PCDHGC4: variants seen among roughly 807,000 people sequenced by gnomAD.
PCDHGC4 encodes the protein protocadherin gamma subfamily C, 4, also known as protocadherin gamma-C4.
In PCDHGC4, 15 loss-of-function variants were observed where a neutral mutation model predicts 59.7. That is an observed-to-expected ratio of 0.25 (90% CI 0.17 to 0.39). PCDHGC4 has a LOEUF of 0.39. PCDHGC4 is among the 10% of genes least tolerant of loss of function. The probability of loss-of-function intolerance (pLI) is 1.00; values close to 1 mark genes in which losing one functional copy is unlikely to be tolerated. For missense variants in PCDHGC4, 1,016 were observed against 1,189.5 expected, an observed-to-expected ratio of 0.85 and a Z score of 2.15; for synonymous variants, 434 against 481.4, an observed-to-expected ratio of 0.90 and a Z score of 1.29.
At position 141,491,117 on chromosome 5, in the gene PCDHGC4, G is replaced by A; in HGVS notation, c.2442+3502G>A. ...CTGTTCCTCGTGTCTACACACACTGGTGAGGTGCGCACAGCCCGGGCCTTA... is the reference window on the plus strand; with the variant it reads ...CTGTTCCTCGTGTCTACACACACTGATGAGGTGCGCACAGCCCGGGCCTTA... On this transcript the variant is annotated intron_variant, in intron 1 of 3. Coordinates refer to ENST00000306593, the MANE Select transcript of PCDHGC4 (RefSeq NM_018928.3). The surrounding 1 kb of genome is among the most constrained non-coding windows in gnomAD (Gnocchi z 6.9). 1 of 1,614,196 alleles carries A rather than the reference G, an allele frequency of 6.2e-7. No homozygotes were observed.
intron 3 of PCDHGC4, among the ~76,000 whole-genome samples, chr5:141,505,969 A>G (rs1454691041): frequency 1.3e-5 from 2 of 152,142 alleles, no homozygotes; most frequent in Non-Finnish European, 2.9e-5. Context: ...AGAAATCCCC[A>G]GCCGAGAGAA....
intron 2 of PCDHGC4, among the ~76,000 whole-genome samples, chr5:141,501,420 T>C (rs1429838126): frequency 6.6e-6 from 1 of 152,006 alleles, no homozygotes; most frequent in Non-Finnish European, 1.5e-5. Context: ...AATAGTTGAC[T>C]AAATGTAGTC....
At chr5:141,507,786 GTCTAAGCC>G (rs1279265471) in intron 3 of PCDHGC4, among the ~76,000 whole-genome samples, 1 of 152,174 alleles carries the variant, frequency 6.6e-6, no homozygotes, top group Admixed American at 6.5e-5. Flanking sequence ...CCTGACCCTC[GTCTAAGCC>G]TGCGCCCTGG....
At position 141,512,047 on chromosome 5, in the gene PCDHGC4, C is replaced by T. The variant is rs1183612907; in HGVS notation, c.*874C>T. 1 of 152,722 alleles carries T rather than the reference C, an allele frequency of 6.5e-6. No individual in the cohort carries two copies. The highest frequency in any genetic ancestry group is 1.5e-5 in the Non-Finnish European group (1 of 68,120). The allele number at this position is 152,722 out of a possible 1,614,324, so 9.5% of individuals were successfully genotyped here. A position where few individuals can be genotyped will look rare whatever the true frequency, so the allele number is the denominator to read the frequency against. On this transcript the variant is annotated 3_prime_UTR_variant, in exon 4 of 4. Coordinates refer to ENST00000306593, the MANE Select transcript of PCDHGC4 (RefSeq NM_018928.3). The stretch of plus-strand genomic sequence containing the variant: ...CCTTGGAGGAGGCTCTGTATGTCCT[C>T]AGGGGACTGACAACATCCTCCAGAT...
intron 2 of PCDHGC4, 35 bp from the exon 3 acceptor site, chr5:141,505,358 G>A (rs1156448862): frequency 6.2e-7 from 1 of 1,613,796 alleles, no homozygotes; most frequent in Non-Finnish European, 8.5e-7. Context: ...GTGCCGGCCT[G>A]GGAGTCTGTG....
chr5:141,496,943 T>C (rs1023861484), intron 2 of PCDHGC4, among the ~76,000 whole-genome samples: 2 of 151,258 alleles, frequency 1.3e-5, no homozygotes, highest in African/African-American at 2.4e-5. Flanking sequence ...CCCAGCACTT[T>C]GGGAGGCCAA....
intron 2 of PCDHGC4, among the ~76,000 whole-genome samples, chr5:141,498,825 C>A (rs2099786017): frequency 6.6e-6 from 1 of 151,974 alleles, no homozygotes; most frequent in Admixed American, 6.6e-5. Flanking sequence ...CCCAGCTACT[C>A]AGGAGGCTGA....
Position 141,491,573 on chromosome 5 carries a change from T to G in PCDHGC4, c.2443-3234T>G. The G allele has an allele frequency of 6.2e-7, 1 of 1,613,912 alleles. No individual in the cohort carries two copies. The highest frequency in any genetic ancestry group is 8.5e-7 in the Non-Finnish European group (1 of 1,180,030). The stretch of plus-strand genomic sequence containing the variant: ...CAGAGCCACTGCTACAGGACGTGCT[T>G]TTCACCGGCCTCGGACGGCAGTGAC... On this transcript the variant is annotated intron_variant, in intron 1 of 3. Transcript: ENST00000306593. The surrounding 1 kb of genome is among the most constrained non-coding windows in gnomAD (Gnocchi z 6.9).
Position 141,511,451 on chromosome 5 carries a change from A to G in PCDHGC4, c.*278A>G, listed in dbSNP as rs2099883797. On this transcript the variant is annotated 3_prime_UTR_variant, in exon 4 of 4. Coordinates refer to ENST00000306593, the MANE Select transcript of PCDHGC4 (RefSeq NM_018928.3). ...GGGGTTACTGTAGACACCAAGAACC[A>G]TTTGCCACACCCCGTTTAGTTACAG... is the stretch of plus-strand genomic sequence containing the variant. The G allele has an allele frequency of 4.9e-6, 3 of 606,372 alleles. No homozygotes were observed. Among genetic ancestry groups the G allele is most frequent in the Non-Finnish European group, 8.1e-6 (3 of 368,942 alleles). The allele number at this position is 606,372 out of a possible 1,614,324, so 37.6% of individuals were successfully genotyped here.
In PCDHGC4 at chr5:141,489,180, CTGGGTCTACCT is replaced by C. The variant is rs906371381; in HGVS notation, c.2442+1569_2442+1579del. 6.3e-5 allele frequency: 79 copies of C among 1,259,748 alleles called. No individual in the cohort carries two copies. The African/African-American group carries it at 9.3e-4, about 15-fold the overall frequency. 78.0% of individuals were successfully genotyped at this position (1,259,748 alleles called of 1,614,324 possible). ...GACTTCAGCTGCTGCATTCCAAGCCCTGGGTCTACCTTGGAGACAGGACAGCACAGACTTAC... is the reference window on the plus strand; with the variant it reads ...GACTTCAGCTGCTGCATTCCAAGCCCTGGAGACAGGACAGCACAGACTTAC... On this transcript the variant is annotated intron_variant, in intron 1 of 3. Coordinates refer to ENST00000306593, the MANE Select transcript of PCDHGC4 (RefSeq NM_018928.3). This position sits in a 1 kb window ranked among gnomAD's most constrained non-coding sequence, Gnocchi z 4.5.
At position 141,487,063 on chromosome 5, in the gene PCDHGC4, G is replaced by A. The variant is rs754361361; in HGVS notation, c.1890G>A (p.Thr630=). 39 of 1,614,086 alleles carry A rather than the reference G, an allele frequency of 2.4e-5. No individual in the cohort carries two copies. In the South Asian group the frequency reaches 3.7e-4, roughly 15 times the overall value. ...AVSRYAGEVR[T]AVPIPADLPP... The stretch of plus-strand genomic sequence containing the variant: ...CTCGATATGCTGGGGAGGTGCGGAC[G>A]GCTGTTCCTATCCCAGCTGACCTCC... The change falls in exon 1 of 4, where the codon ACG becomes ACA. Residue 630 remains threonine, a synonymous_variant. Transcript: ENST00000306593. The surrounding 1 kb of genome is among the most constrained non-coding windows in gnomAD (Gnocchi z 5.0).
At chr5:141,509,344 T>A (rs2099876374) in intron 3 of PCDHGC4, among the ~76,000 whole-genome samples, 1 of 152,202 alleles carries the variant, frequency 6.6e-6, no homozygotes, top group Admixed American at 6.5e-5. Flanking sequence ...GGGCCTGGGC[T>A]GGCCTGGGCA....
intron 1 of PCDHGC4, chr5:141,492,070 GCCGGCT>G (rs1329848558): frequency 2.1e-6 from 1 of 477,826 alleles, no homozygotes; most frequent in Non-Finnish European, 3.7e-6. Context: ...CCTCCTAGGC[GCCGGCT>G]CCGGCACGCT....
intron 2 of PCDHGC4, among the ~76,000 whole-genome samples, chr5:141,498,976 GGAAGGAAGGAAGGAA>G (rs1562186940): frequency 1.5e-4 from 2 of 13,010 alleles, no homozygotes; most frequent in Admixed American, 2.9e-3. Context: ...AGGGAGGGAA[GGAAGGAAGGAAGGAA>G]GGAAGGAAGG....
rs368927472 is a variant in PCDHGC4 at position 141,490,874 on chromosome 5, A to G, written c.2442+3259A>G. The G allele has an allele frequency of 2.4e-5, 39 of 1,613,830 alleles. No individual in the cohort carries two copies. Among genetic ancestry groups the G allele is most frequent in the Non-Finnish European group, 3.1e-5 (36 of 1,179,960 alleles). ...CGAGACTCCGGCTCTCCCCCATTGCATGCCAACACATCTCTGCATGTGTTT... is the reference window on the plus strand; with the variant it reads ...CGAGACTCCGGCTCTCCCCCATTGCGTGCCAACACATCTCTGCATGTGTTT... On this transcript the variant is annotated intron_variant, in intron 1 of 3. Transcript: ENST00000306593. This position sits in a 1 kb window ranked among gnomAD's most constrained non-coding sequence, Gnocchi z 5.4.
At position 141,509,122 on chromosome 5, in the gene PCDHGC4, G is replaced by A. The variant is rs2099875312; in HGVS notation, c.2591-1825G>A. 2.0e-5 allele frequency among the ~76,000 whole-genome samples: 3 copies of A among 152,154 alleles called. No homozygotes were observed. In the South Asian group the frequency reaches 6.2e-4, roughly 32 times the overall value. The stretch of plus-strand genomic sequence containing the variant: ...AGAAACCTGAGCGCTGGTGCGTGAA[G>A]AGAAAAACCGAGGCGCATCCCGGCT... On this transcript the variant is annotated intron_variant, in intron 3 of 3. Transcript: ENST00000306593.
Position 141,491,536 on chromosome 5 carries a change from C to T in PCDHGC4, c.2443-3271C>T, listed in dbSNP as rs746800813. 1.2e-6 allele frequency: 2 copies of T among 1,614,006 alleles called. No individual in the cohort carries two copies. Among genetic ancestry groups the T allele is most frequent in the Admixed American group, 3.3e-5 (2 of 60,030 alleles). On this transcript the variant is annotated intron_variant, in intron 1 of 3. Coordinates refer to ENST00000306593, the MANE Select transcript of PCDHGC4 (RefSeq NM_018928.3). This position sits in a 1 kb window ranked among gnomAD's most constrained non-coding sequence, Gnocchi z 6.9. ...CAAGTACATGGAGGTGACGCTGCGG[C>T]CCACAGACTCGCAGAGCCACTGCTA...
At chr5:141,503,517 T>C (rs6878542) in intron 2 of PCDHGC4, among the ~76,000 whole-genome samples, 77,350 of 150,132 alleles carry the variant, frequency 0.52, 20,504 homozygotes, top group African/African-American at 0.63. Flanking sequence ...GAGAATCACT[T>C]GAACCTGGGA....
chr5:141,504,379 G>A lies in PCDHGC4; in HGVS notation c.2502-1014G>A, dbSNP rs181617363. On this transcript the variant is annotated intron_variant, in intron 2 of 3. Transcript: ENST00000306593. ...GCTTCAGTAGGAAGCAGGTGGAGTC[G>A]CTGCCTCACAGAAGCCAGTGTGGTG... Among the ~76,000 whole-genome samples the A allele has an allele frequency of 2.4e-3, 361 of 152,206 alleles. 1 individual carries two copies. The highest frequency in any genetic ancestry group is 0.021 in the Admixed American group (315 of 15,286).
Sources: allele counts gnomAD v4.1 joint callset (sites outside exome capture counted in the v4.1 genomes callset), GRCh38; gene constraint gnomAD v4.1.1; non-coding constraint Gnocchi (gnomAD v3.1); transcripts MANE v1.5; gene names NCBI Gene and HGNC (gene_info 2026-07-23, HGNC 2026-07-21).